The following PAQR8 variants were observed in gnomAD, a reference collection of about 807,000 sequenced individuals.
PAQR8 encodes the protein progestin and adipoQ receptor family member 8.
Under a neutral mutation model 25.2 loss-of-function variants are expected in PAQR8, and 17 were observed. The observed-to-expected ratio is 0.67, with a 90% CI of 0.46 to 1.01. The LOEUF (loss-of-function observed/expected upper bound fraction) is 1.01. Among genes scored for constraint, PAQR8 ranks in the 50% least tolerant of loss-of-function variants. The probability of loss-of-function intolerance (pLI) is 0.00; values close to 1 mark genes in which losing one functional copy is unlikely to be tolerated. For synonymous variants in PAQR8, 204 were observed against 190.6 expected (o/e 1.07, Z -0.58); for missense variants, 392 against 448.4 (o/e 0.87, Z 1.14).
chr6:52,400,578 C>T (rs1763818884), intron 1 of PAQR8, among the ~76,000 whole-genome samples: 2 of 152,210 alleles, frequency 1.3e-5, no homozygotes, highest in South Asian at 4.1e-4. Context: ...TTTCCAAGCC[C>T]ATATCTTGGC....
At chr6:52,385,309 T>A (rs1763619250) in intron 1 of PAQR8, among the ~76,000 whole-genome samples, 1 of 152,246 alleles carries the variant, frequency 6.6e-6, no homozygotes. Flanking sequence ...TCTTCTGCCA[T>A]GATTGTGAGG....
chr6:52,369,285 G>T lies in PAQR8; in HGVS notation c.-53+7036G>T, dbSNP rs191851465. On this transcript the variant is annotated intron_variant, in intron 1 of 1. Coordinates refer to ENST00000442253, the MANE Select transcript of PAQR8 (RefSeq NM_133367.5). ...TAATCAACCCTCAGTTCCTAGGGCT[G>T]TAAGAATTTGAGAAAGACCAGAGCT... is the stretch of plus-strand genomic sequence containing the variant. Among the ~76,000 whole-genome samples, 843 of 152,296 alleles carry T rather than the reference G, an allele frequency of 5.5e-3. 2 individuals carry two copies. The highest frequency in any genetic ancestry group is 9.1e-3 in the Non-Finnish European group (619 of 68,022).
At chr6:52,382,369 C>T (rs1344339032) in intron 1 of PAQR8, among the ~76,000 whole-genome samples, 1 of 152,190 alleles carries the variant, frequency 6.6e-6, no homozygotes. Flanking sequence ...TAGTCATATA[C>T]ATATCCAATA....
chr6:52,386,686 G>A (rs1028178614), intron 1 of PAQR8, among the ~76,000 whole-genome samples: 4 of 152,132 alleles, frequency 2.6e-5, no homozygotes, highest in African/African-American at 9.7e-5. Flanking sequence ...AGGAGGGACC[G>A]GGGCAAGGTT....
intron 1 of PAQR8, among the ~76,000 whole-genome samples, chr6:52,393,794 G>A (rs181277733): frequency 6.6e-6 from 1 of 152,312 alleles, no homozygotes; most frequent in Non-Finnish European, 1.5e-5. Flanking sequence ...TAGGCATACA[G>A]TAAGGAAAGT....
At chr6:52,367,689 C>T (rs953096020) in intron 1 of PAQR8, among the ~76,000 whole-genome samples, 8 of 152,190 alleles carry the variant, frequency 5.3e-5, no homozygotes, top group African/African-American at 1.9e-4. Flanking sequence ...GTGTACTCTG[C>T]AGATCAACCA....
chr6:52,395,198 G>A (rs752782891), intron 1 of PAQR8, among the ~76,000 whole-genome samples: 5 of 151,016 alleles, frequency 3.3e-5, no homozygotes, highest in East Asian at 1.9e-4. Context: ...GCTTGAACCC[G>A]GGAGGCGGAG....
intron 1 of PAQR8, among the ~76,000 whole-genome samples, chr6:52,391,406 C>T (rs548224456): frequency 2.0e-5 from 3 of 152,130 alleles, no homozygotes; most frequent in Non-Finnish European, 4.4e-5. Context: ...TTTTGGATGT[C>T]GAAATTCTGT....
chr6:52,400,391 T>C (rs1562434370), intron 1 of PAQR8, among the ~76,000 whole-genome samples: 3 of 152,266 alleles, frequency 2.0e-5, no homozygotes, highest in Non-Finnish European at 2.9e-5. Flanking sequence ...ACAGCCATTA[T>C]GTCATATAGT....
At chr6:52,388,837 G>A (rs1214827643) in intron 1 of PAQR8, among the ~76,000 whole-genome samples, 1 of 152,226 alleles carries the variant, frequency 6.6e-6, no homozygotes, top group Non-Finnish European at 1.5e-5. Context: ...CTTCACAGGG[G>A]AGGGGTTATA....
chr6:52,395,673 T>C (rs1763759602), intron 1 of PAQR8, among the ~76,000 whole-genome samples: 1 of 152,268 alleles, frequency 6.6e-6, no homozygotes, highest in Admixed American at 6.5e-5. Flanking sequence ...TGGATAGATT[T>C]ATTTTTACTA....
chr6:52,366,336 G>C (rs1763353266), intron 1 of PAQR8, among the ~76,000 whole-genome samples: 1 of 152,126 alleles, frequency 6.6e-6, no homozygotes, highest in Non-Finnish European at 1.5e-5. Flanking sequence ...TTGAGACACA[G>C]GCTTTGCCCT....
chr6:52,383,529 C>T (rs1418335356), intron 1 of PAQR8, among the ~76,000 whole-genome samples: 5 of 151,586 alleles, frequency 3.3e-5, no homozygotes, highest in Admixed American at 2.0e-4. Flanking sequence ...GGCGTGGTGG[C>T]GGGCGCCTGT....
intron 1 of PAQR8, among the ~76,000 whole-genome samples, chr6:52,396,489 G>A (rs1763768839): frequency 6.6e-6 from 1 of 152,176 alleles, no homozygotes; most frequent in African/African-American, 2.4e-5. Flanking sequence ...CTTAGAATTT[G>A]TATTGTAAAC....
intron 1 of PAQR8, among the ~76,000 whole-genome samples, chr6:52,391,936 C>G (rs543540594): frequency 6.6e-6 from 1 of 152,186 alleles, no homozygotes; most frequent in Non-Finnish European, 1.5e-5. Context: ...GTTGGTGATT[C>G]CAGCATGCTG....
At chr6:52,394,417 C>A (rs1260361060) in intron 1 of PAQR8, among the ~76,000 whole-genome samples, 1 of 152,088 alleles carries the variant, frequency 6.6e-6, no homozygotes, top group Non-Finnish European at 1.5e-5. Flanking sequence ...AAAACAAAAC[C>A]AAACCTTAAG....
rs1310705790 is a variant in PAQR8, at chr6:52,406,332, C to CT, written c.*2055dup. 1.2e-5 allele frequency: 5 copies of CT among 410,786 alleles called. No homozygotes were observed. The highest frequency in any genetic ancestry group is 1.0e-4 in the African/African-American group (5 of 48,592). The allele number at this position is 410,786 out of a possible 1,614,324, so 25.4% of individuals were successfully genotyped here. On this transcript the variant is annotated 3_prime_UTR_variant, in exon 2 of 2. Coordinates refer to ENST00000442253, the MANE Select transcript of PAQR8 (RefSeq NM_133367.5). Reference sequence around the variant, plus strand: ...AGAAGGGAAGAAGGTGTAAGTCAAGCTCTTGAATATAACTGGTGGTATTGT... The same window carrying CT: ...AGAAGGGAAGAAGGTGTAAGTCAAGCTTCTTGAATATAACTGGTGGTATTGT...
chr6:52,382,483 T>C (rs1320780004), intron 1 of PAQR8, among the ~76,000 whole-genome samples: 1 of 152,112 alleles, frequency 6.6e-6, no homozygotes, highest in Non-Finnish European at 1.5e-5. Context: ...TTGTGGTATA[T>C]TCATACAGTG....
chr6:52,372,593 TTCTC>T (rs1287627908), intron 1 of PAQR8, among the ~76,000 whole-genome samples: 3 of 152,176 alleles, frequency 2.0e-5, no homozygotes, highest in Middle Eastern at 3.4e-3. Context: ...TTACATGTAT[TTCTC>T]TCTCTCTTTC....
Sources: allele counts gnomAD v4.1 joint callset (sites outside exome capture counted in the v4.1 genomes callset), GRCh38; gene constraint gnomAD v4.1.1; transcripts MANE v1.5; gene names NCBI Gene and HGNC (gene_info 2026-07-23, HGNC 2026-07-21).